EBI3: variants seen among roughly 807,000 people sequenced by gnomAD.
EBI3 encodes the protein interleukin-27 subunit beta.
Under a neutral mutation model 21.3 loss-of-function variants are expected in EBI3, and 19 were observed. That is an observed-to-expected ratio of 0.89 (90% CI 0.62 to 1.31). The LOEUF (loss-of-function observed/expected upper bound fraction) is 1.31. EBI3 is among the 50% of genes most tolerant of loss of function. The pLI is 0.00. For missense variants in EBI3, 331 were observed against 314.0 expected, an observed-to-expected ratio of 1.05 and a Z score of -0.41; for synonymous variants, 154 against 131.2, an observed-to-expected ratio of 1.17 and a Z score of -1.19.
chr19:4,233,338 G>T, intron 3 of EBI3, 31 bp downstream of exon 3: 7 of 1,539,676 alleles, frequency 4.5e-6, no homozygotes, highest in Admixed American at 1.9e-5. Context: ...GGGCGGGGGC[G>T]GGGCTGCCGT....
intron 2 of EBI3, 133 bp downstream of exon 2, chr19:4,231,456 G>C: frequency 1.2e-5 from 16 of 1,300,030 alleles, no homozygotes; most frequent in Non-Finnish European, 1.5e-5. Flanking sequence ...GGAATTCTAG[G>C]GCGGCCCCGT....
intron 3 of EBI3, 22 bp from the exon 4 acceptor site, chr19:4,234,645 C>T: frequency 6.2e-7 from 1 of 1,606,264 alleles, no homozygotes; most frequent in Non-Finnish European, 8.5e-7. Flanking sequence ...TCCCCTGACC[C>T]TGCTTCCTGC....
intron 3 of EBI3, among the ~76,000 whole-genome samples, chr19:4,234,011 T>A (rs1022666955): frequency 5.9e-5 from 9 of 152,052 alleles, no homozygotes; most frequent in African/African-American, 2.2e-4. Flanking sequence ...TTGAGACCAG[T>A]CCTGGCCAAC....
intron 1 of EBI3, 98 bp from the exon 2 acceptor site, chr19:4,231,092 AC>A: frequency 7.0e-7 from 1 of 1,436,286 alleles, no homozygotes; most frequent in South Asian, 1.6e-5. Context: ...CCTACCATGT[AC>A]CTGGTGCTGG....
chr19:4,234,894 C>A (rs1352570108), intron 4 of EBI3, 70 bp downstream of exon 4: 26 of 1,583,116 alleles, frequency 1.6e-5, no homozygotes, highest in East Asian at 2.2e-5. Flanking sequence ...CCAAGACTAG[C>A]AGGTGTGCTG....
intron 3 of EBI3, 85 bp from the exon 4 acceptor site, chr19:4,234,582 C>A: frequency 1.3e-6 from 2 of 1,532,646 alleles, no homozygotes; most frequent in Admixed American, 2.0e-5. Context: ...AAAATATATA[C>A]ATAATATGTT....
At position 4,234,557 on chromosome 19, in the gene EBI3, C is replaced by T. The variant is rs143251761; in HGVS notation, c.380-110C>T. 14,642 of 1,484,814 alleles carry T rather than the reference C, an allele frequency of 9.9e-3. 1,255 individuals carry two copies. In the African/African-American group the frequency reaches 0.18, roughly 18 times the overall value. The allele number at this position is 1,484,814 out of a possible 1,614,324, so 92.0% of individuals were successfully genotyped here. A position where few individuals can be genotyped will look rare whatever the true frequency, so the allele number is the denominator to read the frequency against. On this transcript the variant is annotated intron_variant, in intron 3 of 4. Coordinates refer to ENST00000221847, the MANE Select transcript of EBI3 (RefSeq NM_005755.3). ...CAGCCTGGGTGACAGAGTGAGACTC[C>T]GTTTCAAAACAAACAAAATATATAC...
At position 4,234,902 on chromosome 19, in the gene EBI3, C is replaced by T. The variant is rs988509016; in HGVS notation, c.537+78C>T. The T allele has an allele frequency of 3.8e-6, 6 of 1,569,702 alleles. No homozygotes were observed. The African/African-American group carries it at 6.8e-5, about 18-fold the overall frequency. On this transcript the variant is annotated intron_variant, in intron 4 of 4. Transcript: ENST00000221847. ...GTTTTTACCAAGACTAGCAGGTGTG[C>T]TGGGCTCTTGCACATAGCTTGCGAT... is the stretch of plus-strand genomic sequence containing the variant.
intron 4 of EBI3, 79 bp from the exon 5 acceptor site, chr19:4,236,857 G>A (rs890308426): frequency 5.5e-5 from 76 of 1,386,308 alleles, no homozygotes; most frequent in East Asian, 4.1e-4. Flanking sequence ...AGGACTGCAC[G>A]CTCCGTTGTG....
intron 2 of EBI3, 76 bp from the exon 3 acceptor site, chr19:4,233,053 G>T: frequency 1.4e-6 from 2 of 1,399,118 alleles, no homozygotes; most frequent in South Asian, 3.1e-5. Flanking sequence ...TTGGGGTCCC[G>T]GGTCAGGCCC....
intron 2 of EBI3, among the ~76,000 whole-genome samples, chr19:4,232,241 A>AAAAGAAAAG: frequency 1.1e-5 from 1 of 93,526 alleles, no homozygotes; most frequent in East Asian, 3.5e-4. Context: ...AAAAAAAAAA[A>AAAAGAAAAG]AAAAGAAAAG....
intron 3 of EBI3, 136 bp downstream of exon 3, chr19:4,233,443 C>T (rs938474344): frequency 6.9e-6 from 7 of 1,014,524 alleles, no homozygotes; most frequent in African/African-American, 1.6e-5. Flanking sequence ...CTTCTTCCCC[C>T]TCCTCTACCA....
At chr19:4,231,388 C>T (rs1970781277) in intron 2 of EBI3, 65 bp downstream of exon 2, 1 of 1,507,010 alleles carries the variant, frequency 6.6e-7, no homozygotes, top group Non-Finnish European at 8.8e-7. Context: ...AACTCTGGCC[C>T]TGAGAGCCCT....
rs978863322 is a variant in EBI3 at position 4,229,575 on chromosome 19, C to T, written c.25C>T (p.Leu9Phe). 1 of 1,611,552 alleles carries T rather than the reference C, an allele frequency of 6.2e-7. No individual in the cohort carries two copies. The highest frequency in any genetic ancestry group is 2.2e-5 in the East Asian group (1 of 44,828). The change falls in exon 1 of 5, where the codon CTT becomes TTT. Residue 9 changes from leucine (L) to phenylalanine (F), a missense_variant. Transcript: ENST00000221847. ...CATGACCCCGCAGCTTCTCCTGGCC[C>T]TTGTCCTCTGGGCCAGCTGCCCGCC... MTPQLLLA[L>F]VLWASCPPCS...
At chr19:4,230,430 G>C (rs1156916423) in intron 1 of EBI3, among the ~76,000 whole-genome samples, 2 of 152,088 alleles carry the variant, frequency 1.3e-5, no homozygotes, top group Non-Finnish European at 2.9e-5. Flanking sequence ...AAATTAGCTA[G>C]ATGTGGTGGC....
chr19:4,230,353 A>G (rs916512066), intron 1 of EBI3, among the ~76,000 whole-genome samples: 2 of 151,458 alleles, frequency 1.3e-5, no homozygotes, highest in South Asian at 2.1e-4. Flanking sequence ...TCGTGAGGCC[A>G]GGAATTCGAG....
chr19:4,230,102 T>G (rs1419091172), intron 1 of EBI3, among the ~76,000 whole-genome samples: 1 of 152,076 alleles, frequency 6.6e-6, no homozygotes, highest in Non-Finnish European at 1.5e-5. Context: ...TTTTATATTT[T>G]TAGTAGAGAT....
At chr19:4,231,864 T>C (rs1464390129) in intron 2 of EBI3, among the ~76,000 whole-genome samples, 1 of 151,614 alleles carries the variant, frequency 6.6e-6, no homozygotes, top group African/African-American at 2.4e-5. Context: ...GAGGATCACT[T>C]GAGGTCAGGA....
rs766748000 is a variant in EBI3 at position 4,233,155 on chromosome 19, G to T, written c.227G>T (p.Ser76Ile). The T allele has an allele frequency of 1.2e-6, 2 of 1,602,190 alleles. No homozygotes were observed. The highest frequency in any genetic ancestry group is 8.5e-7 in the Non-Finnish European group (1 of 1,178,680). ...CTCGGCATGGCTGCCCGGGGCCACA[G>T]CTGGCCCTGCCTGCAGCAGACGCCA... The part of the protein sequence containing the change: ...YRLGMAARGH[S>I]WPCLQQTPTS... The change falls in exon 3 of 5, where the codon AGC becomes ATC. Residue 76 changes from serine to isoleucine, a missense_variant. Physicochemically the swap from Ser to Ile is moderately radical, Grantham distance 142. Transcript: ENST00000221847.
Sources: allele counts gnomAD v4.1 joint callset (sites outside exome capture counted in the v4.1 genomes callset), GRCh38; gene constraint gnomAD v4.1.1; transcripts MANE v1.5; gene names NCBI Gene and HGNC (gene_info 2026-07-23, HGNC 2026-07-21).